Variants in SCLT1 observed in about 807,000 individuals in gnomAD.
SCLT1 encodes sodium channel-associated protein 1.
In SCLT1, 78 loss-of-function variants were observed where a neutral mutation model predicts 112.8. The ratio of observed to expected loss-of-function variants is 0.69; its 90% CI spans 0.58 to 0.83. The LOEUF (loss-of-function observed/expected upper bound fraction) is 0.83. Ranked by LOEUF, SCLT1 falls within the 40% of genes least tolerant of loss-of-function variation. The pLI, the probability that SCLT1 is intolerant of heterozygous loss-of-function variation, is 0.00. For synonymous variants in SCLT1, 257 were observed against 254.7 expected, an observed-to-expected ratio of 1.01 and a Z score of -0.09; for missense variants, 747 against 770.4, an observed-to-expected ratio of 0.97 and a Z score of 0.36.
chr4:128,911,432 A>AAGT (rs1277203674), intron 18 of SCLT1, among the ~76,000 whole-genome samples: 2 of 152,190 alleles, frequency 1.3e-5, no homozygotes, highest in Admixed American at 6.5e-5. Context: ...TTGCAAGATA[A>AAGT]AGTAGTAGTA....
At position 129,093,268 on chromosome 4, in the gene SCLT1, G is replaced by A. The variant is rs1753020614; in HGVS notation, c.-165C>T. The stretch of plus-strand genomic sequence containing the variant: ...CACGCGGCATCTACAGCCCCGCCAC[G>A]CTTCTTTCCCCCGCGCCCCAGACGA... On this transcript the variant is annotated 5_prime_UTR_variant, in exon 1 of 21. Coordinates refer to ENST00000281142, the MANE Select transcript of SCLT1 (RefSeq NM_144643.4). 2 of 644,208 alleles carry A rather than the reference G, an allele frequency of 3.1e-6. No individual in the cohort carries two copies. Among genetic ancestry groups the A allele is most frequent in the Non-Finnish European group, 5.6e-6 (2 of 359,892 alleles). 39.9% of individuals were successfully genotyped at this position (644,208 alleles called of 1,614,324 possible).
chr4:129,008,432 G>C (rs181600301), intron 5 of SCLT1, among the ~76,000 whole-genome samples: 19 of 152,208 alleles, frequency 1.2e-4, no homozygotes, highest in African/African-American at 4.6e-4. Flanking sequence ...TCTGTTGTGA[G>C]AATTTTTCTT....
rs201631269 is a variant in SCLT1 at position 128,948,540 on chromosome 4, G to A, written c.1249C>T (p.Arg417Ter). The change falls in exon 15 of 21, where the codon CGA becomes TGA. Residue 417 changes from arginine (R) to a stop codon, truncating the protein, a stop_gained. Transcript: ENST00000281142. LOFTEE classifies it high-confidence loss of function. ...ACTGCTTTTTTTTCCTTAATGACTC[G>A]TTCAATTTGGCCTTGTTTTTCAGCA... is the stretch of plus-strand genomic sequence containing the variant. ...ECAEKQGQIE[R>*]VIKEKKAVEE... 4.1e-5 allele frequency: 65 copies of A among 1,601,852 alleles called. No individual in the cohort carries two copies. The highest frequency in any genetic ancestry group is 1.7e-4 in the Middle Eastern group (1 of 6,020).
chr4:129,063,254 T>C (rs1277778943), intron 2 of SCLT1, among the ~76,000 whole-genome samples: 1 of 152,216 alleles, frequency 6.6e-6, no homozygotes, highest in Non-Finnish European at 1.5e-5. Context: ...TCTTAACATA[T>C]GAAGCAGTCA....
intron 2 of SCLT1, among the ~76,000 whole-genome samples, chr4:129,053,304 G>C (rs530076689): frequency 6.6e-6 from 1 of 152,000 alleles, no homozygotes; most frequent in Non-Finnish European, 1.5e-5. Context: ...CTGTCTTATC[G>C]ATCTGTCTAA....
chr4:129,087,394 T>G (rs1752484949), intron 1 of SCLT1, among the ~76,000 whole-genome samples: 1 of 152,024 alleles, frequency 6.6e-6, no homozygotes, highest in Non-Finnish European at 1.5e-5. Context: ...TACATACTCT[T>G]ACAGAAAGTT....
At chr4:129,016,572 A>T (rs1325903916) in intron 5 of SCLT1, among the ~76,000 whole-genome samples, 2 of 152,236 alleles carry the variant, frequency 1.3e-5, no homozygotes, top group Non-Finnish European at 2.9e-5. Flanking sequence ...TGAGCTAGAT[A>T]TTATACATTT....
At chr4:128,893,063 T>C (rs1187356996) in intron 18 of SCLT1, among the ~76,000 whole-genome samples, 2 of 152,156 alleles carry the variant, frequency 1.3e-5, no homozygotes, top group African/African-American at 4.8e-5. Context: ...ATATTAGTGC[T>C]GATGAAAAAT....
chr4:128,902,254 C>T (rs139616292), intron 18 of SCLT1, among the ~76,000 whole-genome samples: 1 of 152,152 alleles, frequency 6.6e-6, no homozygotes, highest in African/African-American at 2.4e-5. Flanking sequence ...ATCTACCACG[C>T]TGCTTTACAA....
chr4:128,884,836 A>G (rs1732767591), intron 20 of SCLT1, among the ~76,000 whole-genome samples: 1 of 152,132 alleles, frequency 6.6e-6, no homozygotes, highest in Non-Finnish European at 1.5e-5. Context: ...TTTCAGAGAC[A>G]GGGTCTCACT....
At chr4:128,951,117 T>C (rs186762310) in intron 14 of SCLT1, among the ~76,000 whole-genome samples, 9 of 152,202 alleles carry the variant, frequency 5.9e-5, no homozygotes, top group Admixed American at 3.9e-4. Context: ...AAATAAATAG[T>C]ATAGATGGAT....
In SCLT1 at chr4:129,039,114, G is replaced by C. The variant is rs2125692422; in HGVS notation, c.235-18C>G. ...ACCTGTTTCTGAAAGAATAAAATAT[G>C]GTGTGGCAATACATTTTGCAGACAA... On this transcript the variant is annotated intron_variant, in intron 4 of 20. Coordinates refer to ENST00000281142, the MANE Select transcript of SCLT1 (RefSeq NM_144643.4). The C allele has an allele frequency of 1.3e-6, 2 of 1,569,584 alleles. No homozygotes were observed. The highest frequency in any genetic ancestry group is 1.8e-6 in the Non-Finnish European group (2 of 1,140,712).
At chr4:128,945,921 C>T (rs1033689199) in intron 16 of SCLT1, 86 bp downstream of exon 16, 10 of 838,070 alleles carry the variant, frequency 1.2e-5, no homozygotes, top group African/African-American at 1.7e-5. Context: ...GTAAGTCCTA[C>T]CAAAAAAAAG....
chr4:128,966,770 C>T (rs987250634), intron 10 of SCLT1, among the ~76,000 whole-genome samples: 5 of 151,862 alleles, frequency 3.3e-5, no homozygotes, highest in Non-Finnish European at 7.4e-5. Context: ...TATAACTTCA[C>T]TGAATATAGA....
intron 2 of SCLT1, among the ~76,000 whole-genome samples, chr4:129,046,548 C>A (rs559139469): frequency 6.6e-6 from 1 of 152,166 alleles, no homozygotes; most frequent in Admixed American, 6.6e-5. Context: ...TTTCACTTTA[C>A]AAGTATGCCA....
chr4:128,893,551 A>ATT (rs35014538), intron 18 of SCLT1, among the ~76,000 whole-genome samples: 17 of 151,262 alleles, frequency 1.1e-4, no homozygotes, highest in Non-Finnish European at 1.5e-4. Flanking sequence ...TAAAATCTCC[A>ATT]TTTTTTTTTG....
intron 4 of SCLT1, 175 bp from the exon 5 acceptor site, chr4:129,039,271 C>A: frequency 2.0e-6 from 1 of 489,936 alleles, no homozygotes; most frequent in African/African-American, 2.0e-5. Flanking sequence ...AAACAGAACA[C>A]AATAAAACAT....
rs754418924 is a variant in SCLT1, at chr4:128,936,670, C to T, written c.1814G>A (p.Arg605Lys). The change falls in exon 18 of 21, where the codon AGA (arginine) becomes AAA (lysine). Residue 605 changes from arginine (R) to lysine (K), a missense_variant. Transcript: ENST00000281142. Reference sequence around the variant, plus strand: ...GTAGACTTACTTTAGATTATTGATTCTAATTTCTGCACTTTCAGTAAGTTT... The same window carrying T: ...GTAGACTTACTTTAGATTATTGATTTTAATTTCTGCACTTTCAGTAAGTTT... ...TKKLTESAEI[R>K]INNLKSELSR... The T allele has an allele frequency of 4.0e-5, 64 of 1,594,230 alleles. No homozygotes were observed. Among genetic ancestry groups the T allele is most frequent in the Non-Finnish European group, 5.2e-5 (61 of 1,172,542 alleles).
chr4:129,057,726 A>G (rs1197730665), intron 2 of SCLT1, among the ~76,000 whole-genome samples: 2 of 151,246 alleles, frequency 1.3e-5, no homozygotes, highest in African/African-American at 4.9e-5. Flanking sequence ...CAATAGTCCT[A>G]TTGATCCTTT....
Sources: allele counts gnomAD v4.1 joint callset (sites outside exome capture counted in the v4.1 genomes callset), GRCh38; gene constraint gnomAD v4.1.1; transcripts MANE v1.5; gene names NCBI Gene and HGNC (gene_info 2026-07-23, HGNC 2026-07-21).